Variants in ANGPT1 observed in about 807,000 individuals in gnomAD.
ANGPT1 encodes the protein angiopoietin-1.
ANGPT1 carries 17 observed loss-of-function variants against 62.2 expected under a neutral mutation model. The ratio of observed to expected loss-of-function variants is 0.27; its 90% confidence interval spans 0.19 to 0.41. The LOEUF (loss-of-function observed/expected upper bound fraction) is 0.41, where lower values mean the gene tolerates loss of function less well. Among genes scored for constraint, ANGPT1 ranks in the 10% least tolerant of loss-of-function variants. ANGPT1 has a pLI of 1.00. For synonymous variants in ANGPT1, 199 were observed against 198.9 expected (o/e 1.00, Z 0.00); for missense variants, 478 against 594.9 (o/e 0.80, Z 2.04).
At chr8:107,374,650 T>TG (rs1216106641) in intron 1 of ANGPT1, among the ~76,000 whole-genome samples, 1 of 152,242 alleles carries the variant, frequency 6.6e-6, no homozygotes, top group East Asian at 1.9e-4. Flanking sequence ...AATTGCCTTC[T>TG]GTCTAATGGT....
At chr8:107,263,257 G>C (rs562437783) in intron 8 of ANGPT1, among the ~76,000 whole-genome samples, 2 of 150,834 alleles carry the variant, frequency 1.3e-5, no homozygotes, top group African/African-American at 2.4e-5. Context: ...GGGAGGCTGA[G>C]GCAGGAGAAT....
intron 7 of ANGPT1, among the ~76,000 whole-genome samples, chr8:107,268,632 C>T (rs940111252): frequency 3.9e-5 from 6 of 151,926 alleles, no homozygotes; most frequent in Non-Finnish European, 8.8e-5. Context: ...GTATGAATAG[C>T]CAACTGAAAA....
chr8:107,421,895 A>G (rs1810905598), intron 1 of ANGPT1, among the ~76,000 whole-genome samples: 1 of 152,154 alleles, frequency 6.6e-6, no homozygotes, highest in Non-Finnish European at 1.5e-5. Flanking sequence ...CGTCGCAGCC[A>G]TCTGATTTTT....
rs181034177 is a variant in ANGPT1, at chr8:107,438,925, A to G, written c.297+58337T>C. 3.0e-3 allele frequency among the ~76,000 whole-genome samples: 457 copies of G among 152,300 alleles called. 2 individuals carry two copies. Among genetic ancestry groups the G allele is most frequent in the African/African-American group, 0.01 (428 of 41,570 alleles). On this transcript the variant is annotated intron_variant, in intron 1 of 8. Coordinates refer to ENST00000517746, the MANE Select transcript of ANGPT1 (RefSeq NM_001146.5). ...ATTTACGAACAAAATGTATTTTTTA[A>G]TGAAATGAATTTTTGAGATCTAAAA...
intron 1 of ANGPT1, among the ~76,000 whole-genome samples, chr8:107,477,136 C>A (rs1286817168): frequency 6.6e-6 from 1 of 152,116 alleles, no homozygotes; most frequent in Non-Finnish European, 1.5e-5. Flanking sequence ...TATTTGTCAC[C>A]TTACCTGTAA....
intron 1 of ANGPT1, among the ~76,000 whole-genome samples, chr8:107,464,862 G>A (rs574879753): frequency 2.6e-5 from 4 of 152,168 alleles, no homozygotes; most frequent in African/African-American, 9.6e-5. Flanking sequence ...GTTGATGGTG[G>A]GGTGGCGGTG....
chr8:107,477,390 G>A (rs968331623), intron 1 of ANGPT1, among the ~76,000 whole-genome samples: 4 of 152,166 alleles, frequency 2.6e-5, no homozygotes, highest in Non-Finnish European at 5.9e-5. Context: ...AAGAACAATG[G>A]AGAAATTGTG....
intron 7 of ANGPT1, among the ~76,000 whole-genome samples, chr8:107,281,385 A>G (rs1288496890): frequency 6.6e-6 from 1 of 152,206 alleles, no homozygotes; most frequent in Non-Finnish European, 1.5e-5. Flanking sequence ...AAAAAATATA[A>G]AACAAAAACC....
chr8:107,253,679 A>G (rs1301182670), intron 8 of ANGPT1, among the ~76,000 whole-genome samples: 2 of 152,120 alleles, frequency 1.3e-5, no homozygotes, highest in Non-Finnish European at 2.9e-5. Context: ...GTTTTTGTTT[A>G]TTTGGTTTAT....
chr8:107,270,407 T>C (rs936872731), intron 7 of ANGPT1, among the ~76,000 whole-genome samples: 3 of 152,102 alleles, frequency 2.0e-5, no homozygotes, highest in Admixed American at 6.6e-5. Context: ...CTAGTTTATC[T>C]TTCTCACAAT....
At chr8:107,318,631 AAATT>A (rs1158836836) in intron 4 of ANGPT1, among the ~76,000 whole-genome samples, 1 of 152,220 alleles carries the variant, frequency 6.6e-6, no homozygotes, top group Non-Finnish European at 1.5e-5. Context: ...AACATTTAAG[AAATT>A]AATTCATTTA....
chr8:107,311,923 G>A (rs1814875735), intron 4 of ANGPT1, among the ~76,000 whole-genome samples: 1 of 152,052 alleles, frequency 6.6e-6, no homozygotes, highest in African/African-American at 2.4e-5. Flanking sequence ...AATTAGGTGG[G>A]CGTGGTGGCG....
At chr8:107,309,102 G>A (rs1227754529) in intron 4 of ANGPT1, among the ~76,000 whole-genome samples, 1 of 152,150 alleles carries the variant, frequency 6.6e-6, no homozygotes, top group Non-Finnish European at 1.5e-5. Flanking sequence ...ACCAGAGACA[G>A]TGTAAAAAGC....
intron 1 of ANGPT1, among the ~76,000 whole-genome samples, chr8:107,491,994 C>T (rs1032743699): frequency 2.6e-5 from 4 of 152,138 alleles, no homozygotes; most frequent in African/African-American, 9.6e-5. Flanking sequence ...TCAATGGAGA[C>T]AGTTTACCAA....
At position 107,456,730 on chromosome 8, in the gene ANGPT1, A is replaced by G. The variant is rs538175132; in HGVS notation, c.297+40532T>C. On this transcript the variant is annotated intron_variant, in intron 1 of 8. Coordinates refer to ENST00000517746, the MANE Select transcript of ANGPT1 (RefSeq NM_001146.5). ...CTAAAATACAAGTCTCAAAGTGTAT[A>G]TGATGTAAAATGTATTATTTTAAAA... 2.6e-5 allele frequency among the ~76,000 whole-genome samples: 4 copies of G among 152,212 alleles called. No homozygotes were observed. In the South Asian group the frequency reaches 6.2e-4, roughly 24 times the overall value.
intron 1 of ANGPT1, among the ~76,000 whole-genome samples, chr8:107,366,524 C>T (rs1209856823): frequency 6.6e-6 from 1 of 152,086 alleles, no homozygotes; most frequent in Non-Finnish European, 1.5e-5. Flanking sequence ...ACAATAAACT[C>T]AACACAGTTG....
chr8:107,355,524 A>G (rs989754605), intron 1 of ANGPT1, among the ~76,000 whole-genome samples: 3 of 151,530 alleles, frequency 2.0e-5, no homozygotes, highest in African/African-American at 7.3e-5. Flanking sequence ...AACAATCTGG[A>G]CCCCGACCCT....
chr8:107,278,182 CCTT>C (rs575183308), intron 7 of ANGPT1, among the ~76,000 whole-genome samples: 6 of 151,840 alleles, frequency 4.0e-5, no homozygotes, highest in Non-Finnish European at 5.9e-5. Flanking sequence ...CTCAAGCAAT[CCTT>C]CTGCCTCAGC....
chr8:107,490,884 G>A (rs1812937446), intron 1 of ANGPT1, among the ~76,000 whole-genome samples: 1 of 152,228 alleles, frequency 6.6e-6, no homozygotes, highest in South Asian at 2.1e-4. Flanking sequence ...AACAGAGGTG[G>A]CAGGAAGGAT....
Sources: gnomAD v4.1 joint callset for allele counts (sites outside exome capture counted in the v4.1 genomes callset) on GRCh38, gnomAD v4.1.1 for gene constraint, MANE v1.5 for transcripts, NCBI Gene and HGNC (gene_info 2026-07-23, HGNC 2026-07-21) for gene names.